SEMA6D: variants seen among roughly 807,000 people sequenced by gnomAD.
The protein encoded by SEMA6D is semaphorin 6D.
SEMA6D carries 35 observed loss-of-function variants against 106.6 expected under a neutral mutation model. That is an observed-to-expected ratio of 0.33 (90% CI 0.25 to 0.44). The LOEUF (loss-of-function observed/expected upper bound fraction) is 0.44. Ranked by LOEUF, SEMA6D falls within the 20% of genes least tolerant of loss-of-function variation. The pLI is 1.00. For synonymous variants in SEMA6D, 499 were observed against 487.7 expected (o/e 1.02, Z -0.31); for missense variants, 1,185 against 1,345.9 (o/e 0.88, Z 1.87).
At chr15:47,263,322 A>G (rs539927838) in intron 1 of SEMA6D, among the ~76,000 whole-genome samples, 7 of 152,318 alleles carry the variant, frequency 4.6e-5, no homozygotes, top group East Asian at 1.9e-4. Context: ...AATATCCTGC[A>G]TCTATAAGGA....
chr15:47,644,505 A>G (rs1234918979), intron 4 of SEMA6D, among the ~76,000 whole-genome samples: 1 of 152,220 alleles, frequency 6.6e-6, no homozygotes, highest in Non-Finnish European at 1.5e-5. Flanking sequence ...ATGTGATAGT[A>G]TTAAGATGCA....
chr15:47,283,379 C>T (rs1047737283), intron 1 of SEMA6D, among the ~76,000 whole-genome samples: 3 of 152,104 alleles, frequency 2.0e-5, no homozygotes, highest in African/African-American at 7.2e-5. Flanking sequence ...TTTGGCATTG[C>T]GAACTCTAGG....
intron 15 of SEMA6D, 129 bp downstream of exon 15, chr15:47,766,311 C>T (rs1001322771): frequency 1.6e-5 from 13 of 793,674 alleles, no homozygotes; most frequent in African/African-American, 3.5e-5. Context: ...AACAGGAAAA[C>T]GAAAACCAGG....
rs1161586847 is a variant in SEMA6D, at chr15:47,368,094, T to G, written c.-238-44299T>G. Among the ~76,000 whole-genome samples the G allele has an allele frequency of 2.6e-5, 4 of 152,340 alleles. No homozygotes were observed. In the East Asian group the frequency reaches 7.7e-4, roughly 29 times the overall value. On this transcript the variant is annotated intron_variant, in intron 1 of 19. Coordinates refer to the SEMA6D transcript ENST00000558014. Reference sequence around the variant, plus strand: ...TCTTTCCAAAGGTGCACTCAGCATTTCATCTTTGTATTTAGCTACCAGTAT... The same window carrying G: ...TCTTTCCAAAGGTGCACTCAGCATTGCATCTTTGTATTTAGCTACCAGTAT...
chr15:47,765,201 C>G, intron 13 of SEMA6D, 145 bp downstream of exon 13: 1 of 1,422,278 alleles, frequency 7.0e-7, no homozygotes, highest in Non-Finnish European at 9.2e-7. Flanking sequence ...TGAAATAAAT[C>G]TTGGGTTTGT....
intron 1 of SEMA6D, among the ~76,000 whole-genome samples, chr15:47,204,330 G>C (rs2141117042): frequency 6.6e-6 from 1 of 152,146 alleles, no homozygotes; most frequent in Middle Eastern, 3.4e-3. Context: ...AAATAAAAAG[G>C]TAAATTCTCT....
At position 47,316,102 on chromosome 15, in the gene SEMA6D, C is replaced by CTTTTTTTTTTTTTTTTTTTTTTTTTTTT. The variant is rs67090828; in HGVS notation, c.-238-96283_-238-96282insTTTTTTTTTTTTTTTTTTTTTTTTTTTT. 3.2e-4 allele frequency among the ~76,000 whole-genome samples: 26 copies of CTTTTTTTTTTTTTTTTTTTTTTTTTTTT among 81,456 alleles called. 4 individuals carry two copies. The highest frequency in any genetic ancestry group is 4.5e-4 in the African/African-American group (7 of 15,586). The allele number at this position is 81,456 out of a possible 152,430, so 53.4% of individuals were successfully genotyped here. On this transcript the variant is annotated intron_variant, in intron 1 of 19. Transcript: ENST00000558014. Reference sequence around the variant, plus strand: ...TCCCAATCAGTATGCCATTTATTTCCTTTTTTTTGAGACAGAATCTTGTTC... The same window carrying CTTTTTTTTTTTTTTTTTTTTTTTTTTTT: ...TCCCAATCAGTATGCCATTTATTTCCTTTTTTTTTTTTTTTTTTTTTTTTTTTTTTTTTTTTGAGACAGAATCTTGTTC...
At chr15:47,661,902 C>T (rs1271089038) in intron 4 of SEMA6D, among the ~76,000 whole-genome samples, 1 of 152,190 alleles carries the variant, frequency 6.6e-6, no homozygotes, top group East Asian at 1.9e-4. Context: ...AGATATCTTG[C>T]ACAGATCACT....
intron 1 of SEMA6D, among the ~76,000 whole-genome samples, chr15:47,338,531 A>G (rs2037668078): frequency 1.3e-5 from 2 of 152,198 alleles, no homozygotes. Context: ...TTAAAAATTA[A>G]ATTAGAAAAA....
chr15:47,256,607 T>A (rs1375208643), intron 1 of SEMA6D, among the ~76,000 whole-genome samples: 1 of 152,168 alleles, frequency 6.6e-6, no homozygotes, highest in East Asian at 1.9e-4. Context: ...ACACCTGTAA[T>A]CTCAGCACTT....
chr15:47,660,587 T>A (rs147219150), intron 4 of SEMA6D, among the ~76,000 whole-genome samples: 1 of 152,210 alleles, frequency 6.6e-6, no homozygotes, highest in Non-Finnish European at 1.5e-5. Flanking sequence ...GAATTTGCTC[T>A]AGGAAGTGAC....
chr15:47,309,328 G>A (rs898906633), intron 1 of SEMA6D, among the ~76,000 whole-genome samples: 4 of 152,188 alleles, frequency 2.6e-5, no homozygotes, highest in Non-Finnish European at 5.9e-5. Context: ...CACCTGGGAT[G>A]TGAATCTTCC....
At chr15:47,216,403 A>T (rs374513666) in intron 1 of SEMA6D, among the ~76,000 whole-genome samples, 38 of 152,298 alleles carry the variant, frequency 2.5e-4, no homozygotes, top group African/African-American at 8.2e-4. Flanking sequence ...TTGCCAATGT[A>T]TCCCTTCACA....
intron 1 of SEMA6D, among the ~76,000 whole-genome samples, chr15:47,229,936 A>G (rs1419960325): frequency 6.6e-6 from 1 of 152,134 alleles, no homozygotes; most frequent in Non-Finnish European, 1.5e-5. Context: ...TGAATTTCAG[A>G]TAAAGAATGA....
intron 1 of SEMA6D, among the ~76,000 whole-genome samples, chr15:47,302,858 T>C (rs1428722459): frequency 6.6e-6 from 1 of 152,188 alleles, no homozygotes; most frequent in African/African-American, 2.4e-5. Flanking sequence ...ACTTCTGAAC[T>C]ACAGAGCTGT....
chr15:47,314,896 C>G (rs533721487), intron 1 of SEMA6D, among the ~76,000 whole-genome samples: 3 of 110,974 alleles, frequency 2.7e-5, no homozygotes, highest in African/African-American at 3.7e-5. Context: ...GACGGAGTCT[C>G]GCTCTGTGGC....
At chr15:47,563,822 C>A (rs2046149868) in intron 3 of SEMA6D, among the ~76,000 whole-genome samples, 1 of 152,146 alleles carries the variant, frequency 6.6e-6, no homozygotes, top group African/African-American at 2.4e-5. Flanking sequence ...GGTTATGTAT[C>A]ATCATAAACA....
chr15:47,532,844 A>G (rs772181537), intron 3 of SEMA6D, among the ~76,000 whole-genome samples: 6 of 152,206 alleles, frequency 3.9e-5, no homozygotes, highest in African/African-American at 7.2e-5. Flanking sequence ...CACTATATAT[A>G]AATTTCAGGG....
chr15:47,235,977 A>G (rs149919807), intron 1 of SEMA6D, among the ~76,000 whole-genome samples: 32 of 152,080 alleles, frequency 2.1e-4, no homozygotes, highest in African/African-American at 7.5e-4. Context: ...GATGACTGTT[A>G]TTTTCAAGAC....
Sources: gnomAD v4.1 joint callset for allele counts (sites outside exome capture counted in the v4.1 genomes callset) on GRCh38, gnomAD v4.1.1 for gene constraint, MANE v1.5 for transcripts, NCBI Gene and HGNC (gene_info 2026-07-23, HGNC 2026-07-21) for gene names.